CHLSN: variants seen among roughly 807,000 people sequenced by gnomAD.
The protein encoded by CHLSN is cholesin.
the CHLSN span, among the ~76,000 whole-genome samples, chr7:1,136,499 AAT>A: frequency 6.7e-3 from 741 of 109,876 alleles, 48 homozygotes; most frequent in African/African-American, 0.03. Context: ...TAAACATATA[AAT>A]ATATATAAAC....
the CHLSN span, among the ~76,000 whole-genome samples, chr7:1,082,696 C>T: frequency 6.6e-6 from 1 of 152,208 alleles, no homozygotes; most frequent in African/African-American, 2.4e-5. Context: ...GCAGGTGCTG[C>T]ATGATCCTGG....
the CHLSN span, among the ~76,000 whole-genome samples, chr7:1,055,862 C>T: frequency 6.6e-6 from 1 of 152,188 alleles, no homozygotes; most frequent in Admixed American, 6.5e-5. Flanking sequence ...TGCTGACTGA[C>T]ACCCAGTCAC....
chr7:1,095,079 C>T, the CHLSN span, among the ~76,000 whole-genome samples: 5,458 of 152,226 alleles, frequency 0.036, 318 homozygotes, highest in African/African-American at 0.12. Flanking sequence ...TGGCTTGAGC[C>T]ACGACTCAGG....
chr7:1,031,880 G>A, the CHLSN span, among the ~76,000 whole-genome samples: 6 of 152,006 alleles, frequency 3.9e-5, no homozygotes, highest in Admixed American at 6.5e-5. Flanking sequence ...TCCAGGTGCG[G>A]GGGGCGGCCA....
chr7:1,127,562 C>T, the CHLSN span, among the ~76,000 whole-genome samples: 1 of 151,054 alleles, frequency 6.6e-6, no homozygotes, highest in Non-Finnish European at 1.5e-5. Context: ...CTATGGACAA[C>T]CAACTTGACA....
chr7:1,016,067 C>G, the CHLSN span, among the ~76,000 whole-genome samples: 1 of 135,326 alleles, frequency 7.4e-6, no homozygotes, highest in African/African-American at 3.1e-5. Flanking sequence ...CAGCACACGC[C>G]AGCGCACAGC....
At chr7:1,110,028 G>A in the CHLSN span, among the ~76,000 whole-genome samples, 1 of 152,058 alleles carries the variant, frequency 6.6e-6, no homozygotes, top group African/African-American at 2.4e-5. Context: ...ACCAATGCCG[G>A]CACCTTCTCC....
At chr7:1,107,848 G>A in the CHLSN span, among the ~76,000 whole-genome samples, 2 of 146,650 alleles carry the variant, frequency 1.4e-5, no homozygotes, top group Admixed American at 6.8e-5. Flanking sequence ...CCCGCACCCC[G>A]GGAGGAAGCA....
At chr7:995,011 C>T in the CHLSN span, among the ~76,000 whole-genome samples, 37 of 152,342 alleles carry the variant, frequency 2.4e-4, no homozygotes, top group Non-Finnish European at 3.4e-4. Context: ...ACGTGAGGGA[C>T]GGACGTGAGG....
chr7:994,414 C>A, the CHLSN span, among the ~76,000 whole-genome samples: 13 of 151,956 alleles, frequency 8.6e-5, no homozygotes, highest in African/African-American at 2.7e-4. Context: ...CCACCTTGGC[C>A]CCCCCCAAAG....
chr7:1,030,268 G>A, the CHLSN span, among the ~76,000 whole-genome samples: 19 of 152,134 alleles, frequency 1.2e-4, no homozygotes, highest in South Asian at 2.1e-4. Context: ...CTCATATGCC[G>A]TCTTCACCAA....
At chr7:1,073,151 A>G in the CHLSN span, among the ~76,000 whole-genome samples, 1 of 152,178 alleles carries the variant, frequency 6.6e-6, no homozygotes, top group East Asian at 1.9e-4. Context: ...CAGGACTGGC[A>G]GCAGGAGAGG....
At chr7:1,001,139 G>C in the CHLSN span, among the ~76,000 whole-genome samples, 2 of 152,182 alleles carry the variant, frequency 1.3e-5, no homozygotes, top group Non-Finnish European at 2.9e-5. Context: ...GGGTAGGGCA[G>C]GGCCAGGCAG....
the CHLSN span, among the ~76,000 whole-genome samples, chr7:1,004,587 C>T: frequency 1.3e-5 from 2 of 152,308 alleles, no homozygotes; most frequent in African/African-American, 4.8e-5. Flanking sequence ...GAAGATGAGC[C>T]GTCCCGCTCT....
the CHLSN span, among the ~76,000 whole-genome samples, chr7:1,135,595 C>T: frequency 6.6e-6 from 1 of 151,222 alleles, no homozygotes; most frequent in African/African-American, 2.4e-5. Context: ...GGTGAAACCC[C>T]ATCTTTACTG....
chr7:1,062,385 C>T, the CHLSN span, among the ~76,000 whole-genome samples: 2 of 152,234 alleles, frequency 1.3e-5, no homozygotes, highest in African/African-American at 4.8e-5. Flanking sequence ...TCGAATTGTA[C>T]GTCTTAATAC....
chr7:1,098,729 C>T, the CHLSN span, among the ~76,000 whole-genome samples: 11 of 152,138 alleles, frequency 7.2e-5, no homozygotes, highest in Non-Finnish European at 1.6e-4. Context: ...AAAGCAGACA[C>T]GAGCACAATG....
chr7:1,028,187 C>CA, the CHLSN span: 1 of 962,504 alleles, frequency 1.0e-6, no homozygotes, highest in Non-Finnish European at 1.2e-6. Flanking sequence ...CGCCGCGGGG[C>CA]GGGGCTGGGG....
chr7:1,001,995 T>C, the CHLSN span, among the ~76,000 whole-genome samples: 1 of 47,510 alleles, frequency 2.1e-5, no homozygotes, highest in Non-Finnish European at 3.9e-5. Context: ...GGGTGGGGAG[T>C]CCTGTGGGTG....
Sources: allele counts gnomAD v4.1 joint callset (sites outside exome capture counted in the v4.1 genomes callset), GRCh38; gene constraint gnomAD v4.1.1; transcripts MANE v1.5; gene names NCBI Gene and HGNC (gene_info 2026-07-23, HGNC 2026-07-21).